The following SCML4 variants were observed in gnomAD, a reference collection of about 807,000 sequenced individuals.
The protein encoded by SCML4 is Scm polycomb group protein like 4.
SCML4 carries 34 observed loss-of-function variants against 41.1 expected under a neutral mutation model. The ratio of observed to expected loss-of-function variants is 0.83; its 90% CI spans 0.63 to 1.10. The LOEUF is 1.10. SCML4 is among the 50% of genes least tolerant of loss of function. The pLI, the probability that SCML4 is intolerant of heterozygous loss-of-function variation, is 0.00. For missense variants in SCML4, 522 were observed against 534.1 expected, an observed-to-expected ratio of 0.98 and a Z score of 0.22; for synonymous variants, 214 against 220.9, an observed-to-expected ratio of 0.97 and a Z score of 0.28.
In SCML4 at chr6:107,702,979, C is replaced by T. The variant is rs1386716597; in HGVS notation, c.*2221G>A. Among the ~76,000 whole-genome samples, 1 of 152,156 alleles carries T rather than the reference C, an allele frequency of 6.6e-6. No individual in the cohort carries two copies. Among genetic ancestry groups the T allele is most frequent in the Admixed American group, 6.5e-5 (1 of 15,276 alleles). ...AGTAAAGAAGTTGGCTAAAACCCACCAAAACCAAGATGGCAACGAGAGTGA... is the reference window on the plus strand; with the variant it reads ...AGTAAAGAAGTTGGCTAAAACCCACTAAAACCAAGATGGCAACGAGAGTGA... On this transcript the variant is annotated 3_prime_UTR_variant, in exon 8 of 8. Coordinates refer to ENST00000369020, the MANE Select transcript of SCML4 (RefSeq NM_198081.5).
the SCML4 span, among the ~76,000 whole-genome samples, chr6:107,832,409 G>C: frequency 6.6e-6 from 1 of 152,126 alleles, no homozygotes; most frequent in African/African-American, 2.4e-5. Flanking sequence ...CAGGCCACAT[G>C]CTTCCCCCTT....
intron 6 of SCML4, 154 bp downstream of exon 6, chr6:107,720,549 A>C: frequency 7.2e-7 from 1 of 1,387,506 alleles, no homozygotes; most frequent in Non-Finnish European, 9.3e-7. Context: ...GTTTTTGAGA[A>C]CCTCAAGATC....
At chr6:107,743,179 A>G (rs1777747140) in intron 5 of SCML4, among the ~76,000 whole-genome samples, 1 of 152,206 alleles carries the variant, frequency 6.6e-6, no homozygotes, top group Non-Finnish European at 1.5e-5. Context: ...CATGGCAACC[A>G]CATGTAAAAA....
intron 5 of SCML4, among the ~76,000 whole-genome samples, chr6:107,737,781 A>G (rs1477420582): frequency 1.3e-5 from 2 of 152,230 alleles, no homozygotes; most frequent in Non-Finnish European, 2.9e-5. Context: ...GGAGAATTAC[A>G]TAATGGGTAC....
At chr6:107,737,254 G>A (rs1777163159) in intron 5 of SCML4, among the ~76,000 whole-genome samples, 1 of 152,208 alleles carries the variant, frequency 6.6e-6, no homozygotes, top group Admixed American at 6.5e-5. Flanking sequence ...GGGGAGAACA[G>A]AGGGATACCT....
At chr6:107,809,988 G>C (rs1487437137) in intron 1 of SCML4, among the ~76,000 whole-genome samples, 28 of 152,134 alleles carry the variant, frequency 1.8e-4, no homozygotes. Context: ...ACCTGTGGGC[G>C]TCTCTCTGTG....
chr6:107,755,517 C>A lies in SCML4; in HGVS notation c.157-5704G>T. 3 of 901,186 alleles carry A rather than the reference C, an allele frequency of 3.3e-6. No individual in the cohort carries two copies. In the South Asian group the frequency reaches 5.8e-5, roughly 18 times the overall value. The allele number at this position is 901,186 out of a possible 1,614,324, so 55.8% of individuals were successfully genotyped here. ...AAAGAAGAGCACGGATATGAGCCCA[C>A]TGGCTAGAAGCTTTGCTCTAGTGTG... On this transcript the variant is annotated intron_variant, in intron 2 of 7. Coordinates refer to ENST00000369020, the MANE Select transcript of SCML4 (RefSeq NM_198081.5).
At chr6:107,836,503 C>T in the SCML4 span, among the ~76,000 whole-genome samples, 1 of 152,184 alleles carries the variant, frequency 6.6e-6, no homozygotes, top group Non-Finnish European at 1.5e-5. Flanking sequence ...GTCTTTCCAA[C>T]CCAGAGCTTA....
chr6:107,773,541 G>A (rs1438660207), intron 1 of SCML4, among the ~76,000 whole-genome samples: 1 of 137,556 alleles, frequency 7.3e-6, no homozygotes, highest in African/African-American at 2.8e-5. Context: ...GCAGTGAGCT[G>A]AGATCGCACC....
intron 2 of SCML4, among the ~76,000 whole-genome samples, chr6:107,760,988 T>C (rs756262856): frequency 6.6e-6 from 1 of 152,172 alleles, no homozygotes; most frequent in Non-Finnish European, 1.5e-5. Flanking sequence ...TTAACAGCAT[T>C]GTAAACATAG....
chr6:107,714,429 C>A (rs552381663), intron 6 of SCML4, among the ~76,000 whole-genome samples: 1 of 152,258 alleles, frequency 6.6e-6, no homozygotes, highest in East Asian at 1.9e-4. Context: ...TTCCAGACTC[C>A]GAAGGGTAGG....
chr6:107,707,388 A>G (rs1193429331), intron 7 of SCML4, among the ~76,000 whole-genome samples: 4 of 151,970 alleles, frequency 2.6e-5, no homozygotes, highest in African/African-American at 9.7e-5. Context: ...AAAAATTACC[A>G]TCTCTATATT....
At chr6:107,818,444 T>C (rs1300065607) in intron 1 of SCML4, among the ~76,000 whole-genome samples, 2 of 152,248 alleles carry the variant, frequency 1.3e-5, no homozygotes, top group Admixed American at 6.5e-5. Context: ...TGTGCAACAT[T>C]TGTGATTATT....
chr6:107,770,235 A>AAGTAATTTAGT (rs1780411537), intron 2 of SCML4, among the ~76,000 whole-genome samples: 1 of 152,194 alleles, frequency 6.6e-6, no homozygotes, highest in Admixed American at 6.5e-5. Context: ...AAATCCTATT[A>AAGTAATTTAGT]ACATACAACA....
chr6:107,816,420 G>A (rs187792750), intron 1 of SCML4, among the ~76,000 whole-genome samples: 9 of 152,330 alleles, frequency 5.9e-5, no homozygotes, highest in Non-Finnish European at 1.5e-5. Flanking sequence ...GAGGCTCGGG[G>A]ATGCCATGAT....
Position 107,707,952 on chromosome 6 carries a change from C to A in SCML4, c.1033G>T (p.Ala345Ser), listed in dbSNP as rs575790237. 1.9e-5 allele frequency: 30 copies of A among 1,551,620 alleles called. No individual in the cohort carries two copies. In the African/African-American group the frequency reaches 2.2e-4, roughly 11 times the overall value. Residue 345 changes from alanine (A) to serine (S), a missense_variant, in exon 7 of 8, where the codon GCC becomes TCC. Physicochemically the swap from Ala to Ser is moderately conservative, Grantham distance 99. Coordinates refer to ENST00000369020, the MANE Select transcript of SCML4 (RefSeq NM_198081.5). ...ARRPRSRNPS[A>S]WTVEDVVWFV... Reference sequence around the variant, plus strand: ...CACACCACGTCCTCCACAGTCCAGGCGGAGGGGTTCCTGCTCCGTGGCCGC... The same window carrying A: ...CACACCACGTCCTCCACAGTCCAGGAGGAGGGGTTCCTGCTCCGTGGCCGC...
intron 1 of SCML4, among the ~76,000 whole-genome samples, chr6:107,819,365 G>A (rs1784783091): frequency 6.6e-6 from 1 of 152,176 alleles, no homozygotes; most frequent in Non-Finnish European, 1.5e-5. Flanking sequence ...AAAAGGGCAA[G>A]GGCTTTGGTT....
intron 2 of SCML4, among the ~76,000 whole-genome samples, chr6:107,766,941 A>C (rs1012301707): frequency 4.9e-5 from 7 of 142,220 alleles, no homozygotes; most frequent in Non-Finnish European, 8.9e-5. Flanking sequence ...CATCTGTACT[A>C]TTAAGCTATT....
At chr6:107,749,864 A>C in intron 2 of SCML4, 51 bp from the exon 3 acceptor site, 1 of 1,595,196 alleles carries the variant, frequency 6.3e-7, no homozygotes. Flanking sequence ...TTCTCTCTAC[A>C]CTCTTCCAGA....
Sources: gnomAD v4.1 joint callset for allele counts (sites outside exome capture counted in the v4.1 genomes callset) on GRCh38, gnomAD v4.1.1 for gene constraint, MANE v1.5 for transcripts, NCBI Gene and HGNC (gene_info 2026-07-23, HGNC 2026-07-21) for gene names.